SLC25A48: variants seen among roughly 807,000 people sequenced by gnomAD.
SLC25A48 encodes CTC-321K16.1.
In SLC25A48, 29 loss-of-function variants were observed where a neutral mutation model predicts 32.2. The observed-to-expected ratio is 0.90, with a 90% confidence interval of 0.67 to 1.23. The LOEUF is 1.23. Among genes scored for constraint, SLC25A48 ranks in the 50% most tolerant of loss-of-function variants. SLC25A48 has a pLI of 0.00. For missense variants in SLC25A48, 399 were observed against 422.7 expected (o/e 0.94, Z 0.49); for synonymous variants, 164 against 172.3 (o/e 0.95, Z 0.38).
intron 1 of SLC25A48, among the ~76,000 whole-genome samples, chr5:135,627,519 T>C (rs892357062): frequency 1.3e-5 from 2 of 152,186 alleles, no homozygotes; most frequent in Non-Finnish European, 2.9e-5. Context: ...TTTCCCCGTG[T>C]GGTCTTTCTG....
At chr5:135,731,214 AT>A in intron 3 of SLC25A48, among the ~76,000 whole-genome samples, 1 of 151,986 alleles carries the variant, frequency 6.6e-6, no homozygotes, top group African/African-American at 2.4e-5. Context: ...AAGGTGCTCA[AT>A]GGGGGAGATT....
intron 3 of SLC25A48, among the ~76,000 whole-genome samples, chr5:135,756,564 G>T (rs538807404): frequency 3.3e-5 from 5 of 151,998 alleles, no homozygotes; most frequent in African/African-American, 1.2e-4. Context: ...CCAGCTACTC[G>T]GGAGGCTGAG....
At chr5:135,715,182 A>T (rs554789500) in intron 3 of SLC25A48, among the ~76,000 whole-genome samples, 1 of 152,342 alleles carries the variant, frequency 6.6e-6, no homozygotes, top group East Asian at 1.9e-4. Context: ...CTTCGAAAAA[A>T]ACAGCAGAGG....
chr5:135,802,304 A>T (rs1377038273), intron 3 of SLC25A48, among the ~76,000 whole-genome samples: 1 of 151,688 alleles, frequency 6.6e-6, no homozygotes, highest in African/African-American at 2.4e-5. Flanking sequence ...TATTACTCCT[A>T]CTATCACAGT....
At chr5:135,869,979 AC>A (rs1473819155) in intron 4 of SLC25A48, among the ~76,000 whole-genome samples, 1 of 152,120 alleles carries the variant, frequency 6.6e-6, no homozygotes, top group African/African-American at 2.4e-5. Context: ...CGCAGAAACC[AC>A]CCCCTCAACC....
chr5:135,648,150 C>T (rs1561773983), intron 3 of SLC25A48, among the ~76,000 whole-genome samples: 1 of 152,188 alleles, frequency 6.6e-6, no homozygotes, highest in East Asian at 1.9e-4. Flanking sequence ...AAATCCTCAG[C>T]ACTGGCTAGA....
chr5:135,758,045 C>A (rs1337553712), intron 3 of SLC25A48, among the ~76,000 whole-genome samples: 1 of 150,410 alleles, frequency 6.6e-6, no homozygotes, highest in Non-Finnish European at 1.5e-5. Flanking sequence ...TATAGAATAT[C>A]ATCTCTATGA....
chr5:135,704,058 CT>C (rs1194170271), intron 3 of SLC25A48, among the ~76,000 whole-genome samples: 1 of 152,226 alleles, frequency 6.6e-6, no homozygotes, highest in Non-Finnish European at 1.5e-5. Context: ...AGTGTTCTGG[CT>C]GTCACATTCC....
At chr5:135,727,000 A>G (rs1463136090) in intron 3 of SLC25A48, among the ~76,000 whole-genome samples, 1 of 152,126 alleles carries the variant, frequency 6.6e-6, no homozygotes, top group Admixed American at 6.6e-5. Context: ...CCTTTCTGAC[A>G]GGTGTGTAGT....
intron 2 of SLC25A48, among the ~76,000 whole-genome samples, chr5:135,631,156 A>C (rs147530520): frequency 3.3e-5 from 5 of 152,320 alleles, no homozygotes; most frequent in Non-Finnish European, 7.4e-5. Context: ...TATGATGATC[A>C]AAGGTCAGCT....
At chr5:135,768,400 G>A (rs957447307) in intron 3 of SLC25A48, among the ~76,000 whole-genome samples, 3 of 151,176 alleles carry the variant, frequency 2.0e-5, no homozygotes, top group East Asian at 2.0e-4. Context: ...TGATATGAAT[G>A]TAAACACCCT....
At chr5:135,854,947 C>A (rs995062953) in intron 4 of SLC25A48, among the ~76,000 whole-genome samples, 2 of 152,100 alleles carry the variant, frequency 1.3e-5, no homozygotes, top group Admixed American at 6.5e-5. Context: ...TACAAACTGG[C>A]CTAATTTCAA....
intron 3 of SLC25A48, among the ~76,000 whole-genome samples, chr5:135,808,501 T>C (rs1249384883): frequency 6.6e-6 from 1 of 152,082 alleles, no homozygotes. Context: ...ACCATAACCA[T>C]TTAGTGCTTA....
At chr5:135,592,466 C>T (rs114347838) in intron 1 of SLC25A48, among the ~76,000 whole-genome samples, 310 of 152,266 alleles carry the variant, frequency 2.0e-3, no homozygotes, top group Non-Finnish European at 3.5e-3. Context: ...ATCTGTAGAA[C>T]GCATGTGTAA....
intron 3 of SLC25A48, among the ~76,000 whole-genome samples, chr5:135,758,679 A>G (rs918001137): frequency 6.6e-6 from 1 of 150,734 alleles, no homozygotes; most frequent in African/African-American, 2.4e-5. Context: ...TTAATAGAAT[A>G]TCATCTATGC....
intron 3 of SLC25A48, among the ~76,000 whole-genome samples, chr5:135,734,859 T>C (rs1293035355): frequency 1.3e-5 from 2 of 149,916 alleles, no homozygotes; most frequent in Non-Finnish European, 3.0e-5. Flanking sequence ...GGGGACGGAC[T>C]TAACCTCCAC....
At chr5:135,722,123 A>G (rs1191596278) in intron 3 of SLC25A48, among the ~76,000 whole-genome samples, 4 of 152,260 alleles carry the variant, frequency 2.6e-5, no homozygotes, top group African/African-American at 7.2e-5. Context: ...GGCTTAGGAC[A>G]GAAATAATTT....
chr5:135,667,760 C>T (rs1159433951), intron 3 of SLC25A48, among the ~76,000 whole-genome samples: 1 of 152,148 alleles, frequency 6.6e-6, no homozygotes, highest in East Asian at 1.9e-4. Context: ...TGACGTAAAG[C>T]CATAAAAAAT....
intron 1 of SLC25A48, among the ~76,000 whole-genome samples, chr5:135,581,506 A>G (rs1561744025): frequency 6.6e-6 from 1 of 152,252 alleles, no homozygotes; most frequent in Non-Finnish European, 1.5e-5. Context: ...GAGCATGTAA[A>G]GTATTATTTT....
Sources: allele counts gnomAD v4.1 joint callset (sites outside exome capture counted in the v4.1 genomes callset), GRCh38; gene constraint gnomAD v4.1.1; transcripts MANE v1.5; gene names NCBI Gene and HGNC (gene_info 2026-07-23, HGNC 2026-07-21).